The following STRAP variants were observed in gnomAD, a reference collection of about 807,000 sequenced individuals.
The protein encoded by STRAP is serine/threonine kinase receptor associated protein, also known as serine-threonine kinase receptor-associated protein.
Under a neutral mutation model 47.0 loss-of-function variants are expected in STRAP, and 16 were observed. That is an observed-to-expected ratio of 0.34 (90% CI 0.23 to 0.52). The LOEUF (loss-of-function observed/expected upper bound fraction) is 0.52, where lower values mean the gene tolerates loss of function less well. STRAP is among the 20% of genes least tolerant of loss of function. The probability of loss-of-function intolerance (pLI) is 0.96; values close to 1 mark genes in which losing one functional copy is unlikely to be tolerated. For missense variants in STRAP, 293 were observed against 420.0 expected (o/e 0.70, Z 2.64); for synonymous variants, 130 against 142.7 (o/e 0.91, Z 0.63).
At chr12:15,882,950 GC>G in intron 1 of STRAP, 131 bp downstream of exon 1, 1 of 1,335,140 alleles carries the variant, frequency 7.5e-7, no homozygotes, top group Non-Finnish European at 1.0e-6. Context: ...TGAGATGAGA[GC>G]CAACACTGGT....
chr12:15,896,696 T>C lies in STRAP; in HGVS notation c.639-1186T>C, dbSNP rs1192016046. On this transcript the variant is annotated intron_variant, in intron 6 of 9. Coordinates refer to ENST00000419869, the MANE Select transcript of STRAP (RefSeq NM_007178.4). This position sits in a 1 kb window ranked among gnomAD's most constrained non-coding sequence, Gnocchi z 4.1. ...AAATTATGGGTTAGTTTCCCTGTTT[T>C]AGCACCACGGTGAATGTTCTAGCAC... Among the ~76,000 whole-genome samples, 2 of 152,228 alleles carry C rather than the reference T, an allele frequency of 1.3e-5. No individual in the cohort carries two copies. Among genetic ancestry groups the C allele is most frequent in the Non-Finnish European group, 2.9e-5 (2 of 68,038 alleles).
chr12:15,900,012 T>G lies in STRAP; in HGVS notation c.884T>G (p.Val295Gly). ...GGAACATTGAGACTATGGCAAACTG[T>G]GGTAGGAAAAACGTATGGCCTTTGG... ...EDGTLRLWQT[V>G]VGKTYGLWKC... Residue 295 changes from valine (V) to glycine (G), a missense_variant, in exon 8 of 10, where the codon GTG becomes GGG. By Grantham distance (109) the Val-to-Gly change is moderately radical. Transcript: ENST00000419869. 6.2e-7 allele frequency: 1 copy of G among 1,613,812 alleles called. No homozygotes were observed. Among genetic ancestry groups the G allele is most frequent in the Non-Finnish European group, 8.5e-7 (1 of 1,179,850 alleles).
chr12:15,886,675 T>C (rs1257367349), intron 2 of STRAP, among the ~76,000 whole-genome samples: 1 of 152,122 alleles, frequency 6.6e-6, no homozygotes, highest in African/African-American at 2.4e-5. Flanking sequence ...GTGTGTGTAT[T>C]CTCTCCAAGA....
chr12:15,889,016 C>T (rs975383337), intron 2 of STRAP, among the ~76,000 whole-genome samples: 1 of 152,142 alleles, frequency 6.6e-6, no homozygotes, highest in African/African-American at 2.4e-5. Flanking sequence ...AAATGGAAAT[C>T]TCTATGGAAC....
intron 7 of STRAP, among the ~76,000 whole-genome samples, chr12:15,899,264 G>A (rs1208527049): frequency 1.3e-5 from 2 of 152,158 alleles, no homozygotes; most frequent in Admixed American, 6.5e-5. Flanking sequence ...AAAGGGCTTT[G>A]AGAACTAATA....
chr12:15,892,966 C>G lies in STRAP; in HGVS notation c.404-1081C>G, dbSNP rs528660525. ...AATAAAATGAGGTTTTACTGTGTAT[C>G]GGGTATCTGTTAAGCCCTATTCGCA... On this transcript the variant is annotated intron_variant, in intron 4 of 9. Transcript: ENST00000419869. Among the ~76,000 whole-genome samples, 3 of 152,214 alleles carry G rather than the reference C, an allele frequency of 2.0e-5. No homozygotes were observed. In the East Asian group the frequency reaches 5.8e-4, roughly 29 times the overall value.
At position 15,895,454 on chromosome 12, in the gene STRAP, T is replaced by C; in HGVS notation, c.596T>C (p.Val199Ala). The C allele has an allele frequency of 6.2e-7, 1 of 1,608,136 alleles. No homozygotes were observed. Among genetic ancestry groups the C allele is most frequent in the Non-Finnish European group, 8.5e-7 (1 of 1,178,526 alleles). ...MEYIPEGEILVITYGRSIAFH... is the reference protein window; with the variant it reads ...MEYIPEGEILAITYGRSIAFH... Reference sequence around the variant, plus strand: ...TATATTCCTGAGGGAGAGATTTTGGTTATAACTTATGGACGATCTATTGCT... The same window carrying C: ...TATATTCCTGAGGGAGAGATTTTGGCTATAACTTATGGACGATCTATTGCT... Residue 199 changes from valine (V) to alanine (A), a missense_variant, in exon 6 of 10, where the codon GTT becomes GCT. By Grantham distance (64) the Val-to-Ala change is moderately conservative. Coordinates refer to ENST00000419869, the MANE Select transcript of STRAP (RefSeq NM_007178.4).
intron 8 of STRAP, among the ~76,000 whole-genome samples, chr12:15,900,374 A>G (rs1185011833): frequency 6.6e-6 from 1 of 152,088 alleles, no homozygotes; most frequent in Non-Finnish European, 1.5e-5. Context: ...TACTAAAAAT[A>G]CAAAAATTAG....
intron 2 of STRAP, among the ~76,000 whole-genome samples, chr12:15,886,907 T>C (rs1053494710): frequency 2.6e-5 from 4 of 152,176 alleles, no homozygotes; most frequent in African/African-American, 9.7e-5. Flanking sequence ...TTGAGTCCAG[T>C]GTTGAGTACA....
At chr12:15,883,965 T>C (rs1003541489) in intron 2 of STRAP, among the ~76,000 whole-genome samples, 2 of 152,212 alleles carry the variant, frequency 1.3e-5, no homozygotes, top group Admixed American at 6.5e-5. Context: ...GTTGATCTCC[T>C]TTACGAATGC....
In STRAP at chr12:15,882,824, G is replaced by A. The variant is rs779688980; in HGVS notation, c.112+5G>A. ...TCTTAATCAGCGCTTGCAAAGGTGA[G>A]CAAGGCCGCAATCCTGGTCCTCGAC... is the stretch of plus-strand genomic sequence containing the variant. On this transcript the variant is annotated splice_donor_5th_base_variant and intron_variant, in intron 1 of 9. Transcript: ENST00000419869. The A allele has an allele frequency of 6.2e-6, 10 of 1,609,964 alleles. No individual in the cohort carries two copies. In the Admixed American group the frequency reaches 1.2e-4, roughly 19 times the overall value.
chr12:15,894,214 C>CT lies in STRAP; in HGVS notation c.500+74dup. 1.6e-6 allele frequency: 2 copies of CT among 1,253,384 alleles called. No individual in the cohort carries two copies. The highest frequency in any genetic ancestry group is 2.3e-6 in the Non-Finnish European group (2 of 865,154). 77.6% of individuals were successfully genotyped at this position (1,253,384 alleles called of 1,614,324 possible). A position where few individuals can be genotyped will look rare whatever the true frequency, so the allele number is the denominator to read the frequency against. On this transcript the variant is annotated intron_variant, in intron 5 of 9. Transcript: ENST00000419869. The surrounding 1 kb of genome is among the most constrained non-coding windows in gnomAD (Gnocchi z 4.9). ...GTGGCTCACGCCTATAATCTCAGCA[C>CT]TTTGGGAGGCGAGCCGGGTGGATCA...
intron 2 of STRAP, among the ~76,000 whole-genome samples, chr12:15,888,229 A>G (rs1325634820): frequency 6.6e-6 from 1 of 152,252 alleles, no homozygotes; most frequent in African/African-American, 2.4e-5. Context: ...AATGTAAAAT[A>G]CAGACTTAAG....
rs746039609 is a variant in STRAP at position 15,887,293 on chromosome 12, CATT to C, written c.249-2628_249-2626del. On this transcript the variant is annotated intron_variant, in intron 2 of 9. Coordinates refer to ENST00000419869, the MANE Select transcript of STRAP (RefSeq NM_007178.4). The surrounding 1 kb of genome is among the most constrained non-coding windows in gnomAD (Gnocchi z 5.5). ...TGAGGATATGGAAAGTATCAGGCAG[CATT>C]ATTATTTGCAAGAAACTGGGGTATA... 6.6e-6 allele frequency among the ~76,000 whole-genome samples: 1 copy of C among 152,078 alleles called. No homozygotes were observed. Among genetic ancestry groups the C allele is most frequent in the Non-Finnish European group, 1.5e-5 (1 of 68,008 alleles).
chr12:15,885,180 G>GTTT (rs749702060), intron 2 of STRAP, among the ~76,000 whole-genome samples: 19 of 99,538 alleles, frequency 1.9e-4, no homozygotes, highest in African/African-American at 3.4e-4. Context: ...TACAAGTGGT[G>GTTT]TTTTTTTTTT....
rs535603793 is a variant in STRAP, at chr12:15,896,607, C to T, written c.638+1111C>T. 6.6e-6 allele frequency among the ~76,000 whole-genome samples: 1 copy of T among 151,820 alleles called. No homozygotes were observed. Among genetic ancestry groups the T allele is most frequent in the African/African-American group, 2.4e-5 (1 of 41,422 alleles). On this transcript the variant is annotated intron_variant, in intron 6 of 9. Transcript: ENST00000419869. The surrounding 1 kb of genome is among the most constrained non-coding windows in gnomAD (Gnocchi z 4.1). ...TTGATTTGTTTAAAAATATTGTTAG[C>T]CATTTAAAACTTCTTTGAAAACATT...
chr12:15,893,826 C>T (rs951931828), intron 4 of STRAP, among the ~76,000 whole-genome samples: 3 of 151,646 alleles, frequency 2.0e-5, no homozygotes, highest in Non-Finnish European at 4.4e-5. Flanking sequence ...ATATAGCAAG[C>T]ATGGTAGTTC....
At position 15,890,098 on chromosome 12, in the gene STRAP, A is replaced by T. The variant is rs1407774293; in HGVS notation, c.330+89A>T. The T allele has an allele frequency of 3.5e-6, 4 of 1,131,874 alleles. No individual in the cohort carries two copies. In the African/African-American group the frequency reaches 4.6e-5, roughly 13 times the overall value. 70.1% of individuals were successfully genotyped at this position (1,131,874 alleles called of 1,614,324 possible). Reference sequence around the variant, plus strand: ...TATACTTGATTGGTGTGTATATTTGATTGATATGTTTTGTGTGGAATATTT... The same window carrying T: ...TATACTTGATTGGTGTGTATATTTGTTTGATATGTTTTGTGTGGAATATTT... On this transcript the variant is annotated intron_variant, in intron 3 of 9. Transcript: ENST00000419869. The surrounding 1 kb of genome is among the most constrained non-coding windows in gnomAD (Gnocchi z 4.5).
Position 15,882,685 on chromosome 12 carries a change from C to T in STRAP, c.-23C>T, listed in dbSNP as rs550272889. 2.5e-6 allele frequency: 4 copies of T among 1,590,798 alleles called. No homozygotes were observed. The highest frequency in any genetic ancestry group is 1.3e-5 in the African/African-American group (1 of 74,686). On this transcript the variant is annotated 5_prime_UTR_variant, in exon 1 of 10. Transcript: ENST00000419869. ...AACGACGACCCTCAGCTCGCCAGTCCGGTCGCTGGCTTCGCCGCCGCCATG... is the reference window on the plus strand; with the variant it reads ...AACGACGACCCTCAGCTCGCCAGTCTGGTCGCTGGCTTCGCCGCCGCCATG...
Sources: gnomAD v4.1 joint callset for allele counts (sites outside exome capture counted in the v4.1 genomes callset) on GRCh38, gnomAD v4.1.1 for gene constraint, Gnocchi (gnomAD v3.1) non-coding constraint, MANE v1.5 for transcripts, NCBI Gene and HGNC (gene_info 2026-07-23, HGNC 2026-07-21) for gene names.